CLDN14: variants seen among roughly 807,000 people sequenced by gnomAD.
CLDN14 encodes claudin-14.
A neutral mutation model predicts 2.1 loss-of-function variants in CLDN14; 2 were observed. That is an observed-to-expected ratio of 0.96 (90% CI 0.39 to 3.01). The LOEUF is 3.01. Among genes scored for constraint, CLDN14 ranks in the 30% most tolerant of loss-of-function variants. The pLI, the probability that CLDN14 is intolerant of heterozygous loss-of-function variation, is 0.09. For missense variants in CLDN14, 298 were observed against 328.0 expected (o/e 0.91, Z 0.71); for synonymous variants, 136 against 154.4 (o/e 0.88, Z 0.88).
chr21:36,546,965 T>C (rs1009319558), intron 1 of CLDN14, among the ~76,000 whole-genome samples: 23 of 152,196 alleles, frequency 1.5e-4, no homozygotes, highest in African/African-American at 5.3e-4. Flanking sequence ...GTGTTGCTCT[T>C]GGCATCTAGT....
At chr21:36,538,148 A>G (rs9305590) in intron 1 of CLDN14, among the ~76,000 whole-genome samples, 72,998 of 151,944 alleles carry the variant, frequency 0.48, 19,674 homozygotes, top group Middle Eastern at 0.62. Flanking sequence ...AGTCAGTTGG[A>G]TGGAGGTCTA....
At chr21:36,514,593 A>T (rs2087210720) in intron 1 of CLDN14, among the ~76,000 whole-genome samples, 1 of 148,362 alleles carries the variant, frequency 6.7e-6, no homozygotes, top group Non-Finnish European at 1.5e-5. Flanking sequence ...CGAAGAGAGA[A>T]GGGGAAATAA....
intron 1 of CLDN14, among the ~76,000 whole-genome samples, chr21:36,474,605 C>T (rs1301380557): frequency 1.3e-5 from 2 of 152,058 alleles, no homozygotes; most frequent in Non-Finnish European, 2.9e-5. Flanking sequence ...CCAGGCAATC[C>T]CCATCCCGCC....
At chr21:36,472,768 T>G (rs2146435077) in intron 1 of CLDN14, among the ~76,000 whole-genome samples, 1 of 152,286 alleles carries the variant, frequency 6.6e-6, no homozygotes, top group South Asian at 2.1e-4. Context: ...CCTGACGTCT[T>G]CTTTGCATGC....
chr21:36,490,913 T>C (rs1021655330), intron 2 of CLDN14, among the ~76,000 whole-genome samples: 15 of 151,614 alleles, frequency 9.9e-5, no homozygotes, highest in Non-Finnish European at 1.3e-4. Context: ...CGTGCACATA[T>C]GCCAACACGT....
chr21:36,486,709 G>C (rs974380370), intron 2 of CLDN14: 1 of 1,226,942 alleles, frequency 8.2e-7, no homozygotes, highest in Non-Finnish European at 1.2e-6. Flanking sequence ...TCTCCTTCTT[G>C]AGGAATTTAG....
At chr21:36,495,515 G>A (rs1178751992) in intron 2 of CLDN14, among the ~76,000 whole-genome samples, 3 of 152,220 alleles carry the variant, frequency 2.0e-5, no homozygotes, top group African/African-American at 4.8e-5. Context: ...ACCCATTTGA[G>A]TTTTGAAGTC....
intron 1 of CLDN14, among the ~76,000 whole-genome samples, chr21:36,554,027 G>C (rs939905276): frequency 1.3e-5 from 2 of 152,132 alleles, no homozygotes; most frequent in Non-Finnish European, 2.9e-5. Flanking sequence ...TGGTATATAA[G>C]CCCGGGTCTG....
intron 1 of CLDN14, among the ~76,000 whole-genome samples, chr21:36,518,498 G>A (rs2087245388): frequency 1.3e-5 from 2 of 151,970 alleles, no homozygotes; most frequent in African/African-American, 4.8e-5. Flanking sequence ...TACTCAGAAG[G>A]CTGAGGTGGG....
At position 36,554,795 on chromosome 21, in the gene CLDN14, G is replaced by A. The variant is rs973700502; in HGVS notation, c.-220+21616C>T. On this transcript the variant is annotated intron_variant, in intron 1 of 2. Transcript: ENST00000342108. The stretch of plus-strand genomic sequence containing the variant: ...TGCCACGGGATGTGTTATCATCAAG[G>A]AGGCACTTGGTAAGTACTGATTACC... Among the ~76,000 whole-genome samples, 4 of 152,138 alleles carry A rather than the reference G, an allele frequency of 2.6e-5. No individual in the cohort carries two copies. The South Asian group carries it at 8.3e-4, about 32-fold the overall frequency.
chr21:36,563,489 C>T (rs945694710), intron 1 of CLDN14, among the ~76,000 whole-genome samples: 5 of 152,008 alleles, frequency 3.3e-5, no homozygotes, highest in Admixed American at 3.3e-4. Context: ...TATTGAATTC[C>T]GTGAATAACA....
At chr21:36,501,401 T>A (rs539829706) in intron 2 of CLDN14, among the ~76,000 whole-genome samples, 1 of 139,206 alleles carries the variant, frequency 7.2e-6, no homozygotes, top group Non-Finnish European at 1.5e-5. Flanking sequence ...GTTACATTAG[T>A]GTGAGTTGTA....
intron 1 of CLDN14, among the ~76,000 whole-genome samples, chr21:36,511,832 T>C (rs943180096): frequency 6.6e-6 from 1 of 152,172 alleles, no homozygotes; most frequent in African/African-American, 2.4e-5. Flanking sequence ...CTAAGTTTGG[T>C]TGGTCTGTTC....
intron 2 of CLDN14, among the ~76,000 whole-genome samples, chr21:36,493,324 C>T (rs2086987079): frequency 6.6e-6 from 1 of 152,066 alleles, no homozygotes; most frequent in African/African-American, 2.4e-5. Context: ...TCTGCCTTCC[C>T]TGGGAGGCAG....
At chr21:36,521,824 A>G (rs541138450) in intron 1 of CLDN14, among the ~76,000 whole-genome samples, 1 of 152,204 alleles carries the variant, frequency 6.6e-6, no homozygotes, top group Non-Finnish European at 1.5e-5. Flanking sequence ...TCAGGAATGC[A>G]TCTATCCTTC....
At chr21:36,534,353 C>A (rs1225499885) in intron 1 of CLDN14, among the ~76,000 whole-genome samples, 1 of 152,108 alleles carries the variant, frequency 6.6e-6, no homozygotes, top group African/African-American at 2.4e-5. Context: ...ATGCAACACA[C>A]GGTTGACAGG....
Position 36,564,607 on chromosome 21 carries a change from A to G in CLDN14, c.-220+11804T>C, listed in dbSNP as rs2087659232. ...GGCGTTTCACCAGAGACCTCAGGTG[A>G]TGTGTATGGCTGTGGTTGTAAAATA... On this transcript the variant is annotated intron_variant, in intron 1 of 2. Transcript: ENST00000342108. Among the ~76,000 whole-genome samples, 4 of 152,174 alleles carry G rather than the reference A, an allele frequency of 2.6e-5. No individual in the cohort carries two copies. In the South Asian group the frequency reaches 8.3e-4, roughly 32 times the overall value.
At chr21:36,558,869 G>A (rs936585568) in intron 1 of CLDN14, among the ~76,000 whole-genome samples, 20 of 151,894 alleles carry the variant, frequency 1.3e-4, no homozygotes, top group Non-Finnish European at 2.2e-4. Context: ...TCCTTGTCTG[G>A]AGTTATATTT....
At chr21:36,509,621 T>C (rs1468071737) in intron 2 of CLDN14, among the ~76,000 whole-genome samples, 1 of 152,060 alleles carries the variant, frequency 6.6e-6, no homozygotes, top group Non-Finnish European at 1.5e-5. Context: ...TTTTTGAGAC[T>C]GGGTCTCACT....
Sources: gnomAD v4.1 joint callset for allele counts (sites outside exome capture counted in the v4.1 genomes callset) on GRCh38, gnomAD v4.1.1 for gene constraint, MANE v1.5 for transcripts, NCBI Gene and HGNC (gene_info 2026-07-23, HGNC 2026-07-21) for gene names.